TMC7: variants seen among roughly 807,000 people sequenced by gnomAD.
The protein encoded by TMC7 is transmembrane channel like 7.
In TMC7, 54 loss-of-function variants were observed where a neutral mutation model predicts 82.9. That is an observed-to-expected ratio of 0.65 (90% CI 0.52 to 0.82). The LOEUF (loss-of-function observed/expected upper bound fraction) is 0.82. TMC7 is among the 40% of genes least tolerant of loss of function. The pLI is 0.00. For missense variants in TMC7, 820 were observed against 901.2 expected, an observed-to-expected ratio of 0.91 and a Z score of 1.15; for synonymous variants, 350 against 337.9, an observed-to-expected ratio of 1.04 and a Z score of -0.39.
intron 1 of TMC7, among the ~76,000 whole-genome samples, chr16:18,991,741 G>A (rs986081743): frequency 1.5e-4 from 22 of 151,280 alleles, no homozygotes; most frequent in African/African-American, 1.9e-4. Context: ...CCCCGTCCCC[G>A]CACCGCACAA....
At chr16:19,046,058 T>A (rs1202427742) in intron 11 of TMC7, among the ~76,000 whole-genome samples, 5 of 152,164 alleles carry the variant, frequency 3.3e-5, no homozygotes, top group African/African-American at 4.8e-5. Flanking sequence ...AGCTCTAGGC[T>A]GTTGACCTCA....
chr16:18,996,836 C>G (rs886109042), intron 1 of TMC7, among the ~76,000 whole-genome samples: 2 of 152,118 alleles, frequency 1.3e-5, no homozygotes, highest in African/African-American at 2.4e-5. Flanking sequence ...GATCAGACAC[C>G]AATGAAATGT....
chr16:19,006,627 A>C (rs2039245204), intron 1 of TMC7, among the ~76,000 whole-genome samples: 2 of 152,156 alleles, frequency 1.3e-5, no homozygotes, highest in South Asian at 4.1e-4. Flanking sequence ...TTGTTGCTCA[A>C]CACACTGCTC....
intron 1 of TMC7, among the ~76,000 whole-genome samples, chr16:19,002,484 G>A (rs570263247): frequency 1.1e-4 from 16 of 152,054 alleles, no homozygotes; most frequent in African/African-American, 1.4e-4. Flanking sequence ...TAATCCACCC[G>A]CCTTGGCCTC....
chr16:19,025,238 A>G (rs1244146547), intron 5 of TMC7, among the ~76,000 whole-genome samples: 2 of 152,170 alleles, frequency 1.3e-5, no homozygotes, highest in Non-Finnish European at 2.9e-5. Flanking sequence ...TTACCCCCAG[A>G]TGAGAACCAC....
At chr16:19,028,326 G>A (rs1960331416) in intron 5 of TMC7, among the ~76,000 whole-genome samples, 1 of 152,042 alleles carries the variant, frequency 6.6e-6, no homozygotes, top group Admixed American at 6.6e-5. Context: ...TTTGAGCCCA[G>A]GAGTTGGAGA....
Position 19,056,688 on chromosome 16 carries a change from T to C in TMC7, c.2018T>C (p.Met673Thr). ...GAAGCCTTTGCAGTTCCTTTCTTCA[T>C]GATTATTTGGTGAGTGAGAACCACC... is the stretch of plus-strand genomic sequence containing the variant. ...TSEAFAVPFFMIICLIMFYFI... is the reference protein window; with the variant it reads ...TSEAFAVPFFTIICLIMFYFI... The change falls in exon 14 of 16, where the codon ATG becomes ACG. Residue 673 changes from methionine (M) to threonine (T), a missense_variant. Physicochemically the swap from Met to Thr is moderately conservative, Grantham distance 81. Around this residue, in one of 2 missense-constraint regions of TMC7, gnomAD observed 170 missense variants for 231.3 expected, o/e 0.74. Transcript: ENST00000304381. 6.2e-7 allele frequency: 1 copy of C among 1,613,868 alleles called. No homozygotes were observed. Among genetic ancestry groups the C allele is most frequent in the South Asian group, 1.1e-5 (1 of 91,054 alleles).
rs921358185 is a variant in TMC7 at position 19,021,612 on chromosome 16, G to T, written c.461-17G>T. 3 of 1,613,754 alleles carry T rather than the reference G, an allele frequency of 1.9e-6. No homozygotes were observed. The highest frequency in any genetic ancestry group is 2.7e-5 in the African/African-American group (2 of 75,018). On this transcript the variant is annotated splice_polypyrimidine_tract_variant and intron_variant, in intron 3 of 15. Transcript: ENST00000304381. The stretch of plus-strand genomic sequence containing the variant: ...TCAATATCCCTGGTCAGTGATGTCC[G>T]GGTTTGTTTTTTCCAGGGAAATTTG...
At chr16:19,000,603 G>T (rs1330652293) in intron 1 of TMC7, among the ~76,000 whole-genome samples, 1 of 152,224 alleles carries the variant, frequency 6.6e-6, no homozygotes, top group Non-Finnish European at 1.5e-5. Flanking sequence ...ATCATTTCAT[G>T]AGAAGAAAAA....
intron 13 of TMC7, among the ~76,000 whole-genome samples, chr16:19,055,174 A>C (rs1040383600): frequency 6.6e-6 from 1 of 152,268 alleles, no homozygotes; most frequent in African/African-American, 2.4e-5. Flanking sequence ...GATAGGAAAT[A>C]ATTTGAAATT....
At chr16:18,984,380 T>G in intron 1 of TMC7, 1 of 1,271,240 alleles carries the variant, frequency 7.9e-7, no homozygotes, top group Non-Finnish European at 9.9e-7. Flanking sequence ...GTCTGGACCG[T>G]GGTGGGTTTG....
chr16:19,020,124 GA>G (rs1176360999), intron 3 of TMC7, among the ~76,000 whole-genome samples: 2 of 152,160 alleles, frequency 1.3e-5, no homozygotes, highest in African/African-American at 4.8e-5. Context: ...AACAGATGCA[GA>G]AAAAGCTCTG....
chr16:19,040,144 G>A (rs1235706700), intron 8 of TMC7, 145 bp from the exon 9 acceptor site: 10 of 330,498 alleles, frequency 3.0e-5, no homozygotes, highest in Non-Finnish European at 4.9e-5. Flanking sequence ...AAAAAGGAAC[G>A]AGATGACTTA....
intron 15 of TMC7, chr16:19,059,715 C>A (rs1318927085): frequency 6.6e-6 from 10 of 1,516,540 alleles, no homozygotes; most frequent in Non-Finnish European, 8.8e-6. Context: ...GTGGCTCATG[C>A]CTGTAATCCC....
chr16:19,023,320 G>A, intron 5 of TMC7, 125 bp downstream of exon 5: 1 of 525,140 alleles, frequency 1.9e-6, no homozygotes, highest in South Asian at 2.8e-5. Context: ...ACATGTACCA[G>A]TAAATGAAAC....
intron 6 of TMC7, among the ~76,000 whole-genome samples, chr16:19,032,676 G>A (rs990458337): frequency 2.0e-5 from 3 of 152,054 alleles, no homozygotes; most frequent in Non-Finnish European, 4.4e-5. Context: ...CACCTAGGCT[G>A]GAGGGCAGTG....
chr16:19,022,320 A>G (rs1960017993), intron 4 of TMC7, among the ~76,000 whole-genome samples: 1 of 152,226 alleles, frequency 6.6e-6, no homozygotes, highest in Non-Finnish European at 1.5e-5. Flanking sequence ...ATGTGCAAAT[A>G]TGCAAATATA....
Position 19,062,177 on chromosome 16 carries a change from G to A in TMC7, c.*334G>A, listed in dbSNP as rs116030751. ...TTGAGCCACGAGTTTATGTGCACAA[G>A]TGTTTTGGGTTGTGGACTGAAGCTC... On this transcript the variant is annotated 3_prime_UTR_variant, in exon 16 of 16. Coordinates refer to ENST00000304381, the MANE Select transcript of TMC7 (RefSeq NM_024847.4). 223 of 235,054 alleles carry A rather than the reference G, an allele frequency of 9.5e-4. No homozygotes were observed. Among genetic ancestry groups the A allele is most frequent in the African/African-American group, 4.7e-3 (208 of 44,684 alleles). 14.6% of individuals were successfully genotyped at this position (235,054 alleles called of 1,614,324 possible).
At position 19,045,157 on chromosome 16, in the gene TMC7, C is replaced by T. The variant is rs1961211441; in HGVS notation, c.1455+156C>T. 6 of 839,418 alleles carry T rather than the reference C, an allele frequency of 7.1e-6. No homozygotes were observed. The Admixed American group carries it at 9.6e-5, about 13-fold the overall frequency. The allele number at this position is 839,418 out of a possible 1,614,324, so 52.0% of individuals were successfully genotyped here. Reference sequence around the variant, plus strand: ...AGAGTCTGGCCCCATGGAGTCTAACCCCAGGCACTTCTGAGGGCTTGGAAA... The same window carrying T: ...AGAGTCTGGCCCCATGGAGTCTAACTCCAGGCACTTCTGAGGGCTTGGAAA... On this transcript the variant is annotated intron_variant, in intron 10 of 15. Coordinates refer to ENST00000304381, the MANE Select transcript of TMC7 (RefSeq NM_024847.4).
Sources: gnomAD v4.1 joint callset for allele counts (sites outside exome capture counted in the v4.1 genomes callset) on GRCh38, gnomAD v4.1.1 for gene constraint, gnomAD v4.1.1 regional missense constraint, MANE v1.5 for transcripts, NCBI Gene and HGNC (gene_info 2026-07-23, HGNC 2026-07-21) for gene names.